IGSF21: variants seen among roughly 807,000 people sequenced by gnomAD.
The protein encoded by IGSF21 is immunoglobulin superfamily member 21.
Under a neutral mutation model 46.8 loss-of-function variants are expected in IGSF21, and 28 were observed. That is an observed-to-expected ratio of 0.60 (90% CI 0.44 to 0.82). IGSF21 has a LOEUF of 0.82. Ranked by LOEUF, IGSF21 falls within the 40% of genes least tolerant of loss-of-function variation. The pLI is 0.00. For missense variants in IGSF21, 624 were observed against 665.5 expected, an observed-to-expected ratio of 0.94 and a Z score of 0.69; for synonymous variants, 284 against 273.6, an observed-to-expected ratio of 1.04 and a Z score of -0.38.
intron 2 of IGSF21, among the ~76,000 whole-genome samples, chr1:18,248,816 A>G (rs2084808389): frequency 6.6e-6 from 1 of 152,088 alleles, no homozygotes; most frequent in South Asian, 2.1e-4. Context: ...AGTTCTCTCT[A>G]CACCCAAGGA....
intron 5 of IGSF21, among the ~76,000 whole-genome samples, chr1:18,363,640 T>G (rs1343651677): frequency 2.1e-5 from 2 of 95,770 alleles, no homozygotes; most frequent in African/African-American, 4.2e-5. Flanking sequence ...TGGACAGAGG[T>G]GCAGAGGCAC....
At chr1:18,153,436 G>T (rs1339011317) in intron 1 of IGSF21, among the ~76,000 whole-genome samples, 1 of 152,156 alleles carries the variant, frequency 6.6e-6, no homozygotes, top group African/African-American at 2.4e-5. Context: ...GTAGCCCCAG[G>T]GAACTCAAAA....
chr1:18,365,716 C>G lies in IGSF21; in HGVS notation c.1015+19C>G. 6.3e-7 allele frequency: 1 copy of G among 1,585,908 alleles called. No individual in the cohort carries two copies. The highest frequency in any genetic ancestry group is 8.6e-7 in the Non-Finnish European group (1 of 1,159,762). On this transcript the variant is annotated intron_variant, in intron 6 of 9. Coordinates refer to ENST00000251296, the MANE Select transcript of IGSF21 (RefSeq NM_032880.5). The surrounding 1 kb of genome is among the most constrained non-coding windows in gnomAD (Gnocchi z 4.8). ...ACGCTGGGTAAGACTTGGTGGGGGC[C>G]CTTCTGTAGAGCCCTTGCAGACCTG...
intron 4 of IGSF21, among the ~76,000 whole-genome samples, chr1:18,357,659 A>G (rs761626707): frequency 8.7e-4 from 133 of 152,250 alleles, no homozygotes; most frequent in Non-Finnish European, 1.6e-3. Context: ...AAAAAGAAAA[A>G]TAGAAAAGAA....
At chr1:18,121,236 T>A (rs2086231343) in intron 1 of IGSF21, among the ~76,000 whole-genome samples, 1 of 152,196 alleles carries the variant, frequency 6.6e-6, no homozygotes, top group Admixed American at 6.5e-5. Flanking sequence ...TGGATCTTTA[T>A]CCTTCATCTG....
intron 2 of IGSF21, among the ~76,000 whole-genome samples, chr1:18,273,064 T>C (rs1020111315): frequency 1.7e-4 from 25 of 143,198 alleles, no homozygotes; most frequent in African/African-American, 6.6e-4. Context: ...TTTTTTTTTT[T>C]AGATGGAGTC....
rs971811656 is a variant in IGSF21, at chr1:18,322,892, G to A, written c.306-12000G>A. 3.3e-5 allele frequency among the ~76,000 whole-genome samples: 5 copies of A among 152,164 alleles called. No homozygotes were observed. Among genetic ancestry groups the A allele is most frequent in the Admixed American group, 6.5e-5 (1 of 15,278 alleles). ...GATGTCGGAATGGGTGAAGGGGAGC[G>A]GGAAGCGATGGGCCAGGAAGTCAGG... On this transcript the variant is annotated intron_variant, in intron 3 of 9. Transcript: ENST00000251296. This position sits in a 1 kb window ranked among gnomAD's most constrained non-coding sequence, Gnocchi z 4.3.
intron 1 of IGSF21, among the ~76,000 whole-genome samples, chr1:18,124,500 T>A (rs2086259182): frequency 6.6e-6 from 1 of 152,208 alleles, no homozygotes; most frequent in Non-Finnish European, 1.5e-5. Context: ...CTTGCTTCTC[T>A]GCAGAAATCC....
chr1:18,334,997 C>T lies in IGSF21; in HGVS notation c.411C>T (p.Phe137=). The change falls in exon 4 of 10, where the codon TTC becomes TTT. Residue 137 remains phenylalanine (F), a synonymous_variant. Coordinates refer to ENST00000251296, the MANE Select transcript of IGSF21 (RefSeq NM_032880.5). The surrounding 1 kb of genome is among the most constrained non-coding windows in gnomAD (Gnocchi z 4.3). ...TGGTCCTGGCATCAGGCAACATCTT[C>T]CTCAACGTCATGGGTGAGTGCAGGG... is the stretch of plus-strand genomic sequence containing the variant. ...EKVVLASGNI[F]LNVMAPPTSI... is the part of the protein sequence containing the mutation. The T allele has an allele frequency of 6.2e-7, 1 of 1,613,590 alleles. No homozygotes were observed. The highest frequency in any genetic ancestry group is 8.5e-7 in the Non-Finnish European group (1 of 1,179,464).
chr1:18,227,908 A>C lies in IGSF21; in HGVS notation c.81A>C (p.Thr27=), dbSNP rs965778390. 1 of 1,613,778 alleles carries C rather than the reference A, an allele frequency of 6.2e-7. No homozygotes were observed. The highest frequency in any genetic ancestry group is 2.2e-5 in the East Asian group (1 of 44,864). Residue 27 remains threonine, a synonymous_variant, in exon 2 of 10, where the codon ACA becomes ACC. Transcript: ENST00000251296. ...TCCTCTCTTCTGTAGGCTACCTGACAGTCAACATTGAGCCTCTCCCCCCTG... is the reference window on the plus strand; with the variant it reads ...TCCTCTCTTCTGTAGGCTACCTGACCGTCAACATTGAGCCTCTCCCCCCTG... ...AILDLARGYL[T]VNIEPLPPVV...
chr1:18,227,431 G>A (rs61762154), intron 1 of IGSF21, among the ~76,000 whole-genome samples: 32,578 of 151,828 alleles, frequency 0.21, 4,100 homozygotes, highest in Non-Finnish European at 0.28. Flanking sequence ...GTTTGGAAAT[G>A]CCAAGTAAAT....
At chr1:18,149,041 ACT>A (rs1486114369) in intron 1 of IGSF21, among the ~76,000 whole-genome samples, 2 of 152,124 alleles carry the variant, frequency 1.3e-5, no homozygotes, top group African/African-American at 2.4e-5. Context: ...CATCCCGGAG[ACT>A]CTGCCAGGCT....
chr1:18,143,977 TG>T (rs929280070), intron 1 of IGSF21, among the ~76,000 whole-genome samples: 3 of 152,132 alleles, frequency 2.0e-5, no homozygotes, highest in Admixed American at 2.0e-4. Context: ...GCTGGGGCTG[TG>T]TCTCCCCTAT....
Position 18,365,425 on chromosome 1 carries a change from G to A in IGSF21, c.743G>A (p.Arg248His), listed in dbSNP as rs141231275. Residue 248 changes from arginine to histidine, a missense_variant, in exon 6 of 10, where the codon CGT becomes CAT. Coordinates refer to ENST00000251296, the MANE Select transcript of IGSF21 (RefSeq NM_032880.5). The surrounding 1 kb of genome is among the most constrained non-coding windows in gnomAD (Gnocchi z 4.8). ...CGACCCTACACGGAGCGCCCCTCCC[G>A]TGGCCTGACCCCAGATCCCAACATC... is the stretch of plus-strand genomic sequence containing the variant. ...GGRPYTERPS[R>H]GLTPDPNILL... 5.3e-5 allele frequency: 85 copies of A among 1,613,766 alleles called. No individual in the cohort carries two copies. The highest frequency in any genetic ancestry group is 4.9e-4 in the African/African-American group (37 of 74,884).
At chr1:18,230,308 C>G (rs376303829) in intron 2 of IGSF21, among the ~76,000 whole-genome samples, 18 of 152,134 alleles carry the variant, frequency 1.2e-4, no homozygotes, top group African/African-American at 4.1e-4. Flanking sequence ...CTCTCTCCCC[C>G]ACTCTTGCTG....
At chr1:18,236,541 C>A (rs189653311) in intron 2 of IGSF21, among the ~76,000 whole-genome samples, 4 of 152,150 alleles carry the variant, frequency 2.6e-5, no homozygotes, top group African/African-American at 9.7e-5. Flanking sequence ...CTGCTGCAGC[C>A]GCTATTGAGG....
chr1:18,155,070 C>T (rs886321454), intron 1 of IGSF21, among the ~76,000 whole-genome samples: 5 of 152,144 alleles, frequency 3.3e-5, no homozygotes, highest in Non-Finnish European at 7.3e-5. Flanking sequence ...TTCCTCCAGG[C>T]AGCCTTCCAG....
chr1:18,168,071 C>T (rs1170729544), intron 1 of IGSF21, among the ~76,000 whole-genome samples: 2 of 151,692 alleles, frequency 1.3e-5, no homozygotes, highest in East Asian at 3.9e-4. Flanking sequence ...AGGGGCTGGA[C>T]AGGACCTTGG....
intron 2 of IGSF21, among the ~76,000 whole-genome samples, chr1:18,243,084 C>T (rs570879232): frequency 3.9e-5 from 6 of 152,236 alleles, no homozygotes; most frequent in African/African-American, 1.2e-4. Context: ...GGGACCTATG[C>T]CAAGTCTGGG....
Sources: allele counts gnomAD v4.1 joint callset (sites outside exome capture counted in the v4.1 genomes callset), GRCh38; gene constraint gnomAD v4.1.1; non-coding constraint Gnocchi (gnomAD v3.1); transcripts MANE v1.5; gene names NCBI Gene and HGNC (gene_info 2026-07-23, HGNC 2026-07-21).